The following MSRB3 variants were observed in gnomAD, a reference collection of about 807,000 sequenced individuals.
MSRB3 encodes methionine-R-sulfoxide reductase B3.
A neutral mutation model predicts 21.0 loss-of-function variants in MSRB3; 13 were observed. That is an observed-to-expected ratio of 0.62 (90% confidence interval 0.40 to 0.98). The LOEUF is 0.98. Among genes scored for constraint, MSRB3 ranks in the 50% least tolerant of loss-of-function variants. MSRB3 has a pLI of 0.00. For missense variants in MSRB3, 199 were observed against 230.3 expected (o/e 0.86, Z 0.88); for synonymous variants, 87 against 88.6 (o/e 0.98, Z 0.10).
At chr12:65,392,138 A>G (rs970182107) in intron 5 of MSRB3, among the ~76,000 whole-genome samples, 1 of 152,074 alleles carries the variant, frequency 6.6e-6, no homozygotes, top group African/African-American at 2.4e-5. Context: ...TTTTTTGAAA[A>G]CAGAGGTGCC....
At chr12:65,304,402 C>T (rs1365958174) in intron 1 of MSRB3, among the ~76,000 whole-genome samples, 1 of 152,120 alleles carries the variant, frequency 6.6e-6, no homozygotes, top group Non-Finnish European at 1.5e-5. Flanking sequence ...ATTGTGCAGT[C>T]AGTATTTTTA....
At chr12:65,345,578 T>C (rs574572603) in intron 4 of MSRB3, among the ~76,000 whole-genome samples, 1 of 152,192 alleles carries the variant, frequency 6.6e-6, no homozygotes, top group Admixed American at 6.5e-5. Flanking sequence ...ATAAGGAAGA[T>C]CTTTTTTTTA....
At chr12:65,410,749 T>C (rs1463158162) in intron 5 of MSRB3, among the ~76,000 whole-genome samples, 1 of 152,216 alleles carries the variant, frequency 6.6e-6, no homozygotes, top group Non-Finnish European at 1.5e-5. Flanking sequence ...AGTGCCAACT[T>C]CATGGGGTTG....
chr12:65,460,386 T>C (rs531445846), intron 6 of MSRB3, among the ~76,000 whole-genome samples: 3 of 151,622 alleles, frequency 2.0e-5, no homozygotes, highest in Admixed American at 1.3e-4. Context: ...AGAAACCGGG[T>C]AACAGTCCTT....
At chr12:65,373,850 T>A (rs1878454491) in intron 5 of MSRB3, among the ~76,000 whole-genome samples, 1 of 152,098 alleles carries the variant, frequency 6.6e-6, no homozygotes, top group Non-Finnish European at 1.5e-5. Context: ...AAAAAGCAGC[T>A]AGTGTCGCTT....
intron 4 of MSRB3, among the ~76,000 whole-genome samples, chr12:65,350,050 A>G (rs1326614933): frequency 6.6e-6 from 1 of 151,964 alleles, no homozygotes; most frequent in African/African-American, 2.4e-5. Context: ...TAGGTCTAAC[A>G]TTTAAGTCTT....
intron 5 of MSRB3, among the ~76,000 whole-genome samples, chr12:65,402,826 C>G (rs993854853): frequency 6.6e-6 from 1 of 152,164 alleles, no homozygotes; most frequent in Non-Finnish European, 1.5e-5. Context: ...TGATGCTATT[C>G]CTCCCTGTTA....
At chr12:65,323,479 T>A (rs769106238) in intron 2 of MSRB3, among the ~76,000 whole-genome samples, 5 of 151,760 alleles carry the variant, frequency 3.3e-5, no homozygotes, top group Admixed American at 6.5e-5. Flanking sequence ...GTTACATGTG[T>A]GTACACACAC....
chr12:65,344,631 C>T (rs1051886598), intron 4 of MSRB3, among the ~76,000 whole-genome samples: 1 of 151,960 alleles, frequency 6.6e-6, no homozygotes, highest in Non-Finnish European at 1.5e-5. Flanking sequence ...ACCAAGACAG[C>T]TTTGTAACAG....
intron 6 of MSRB3, among the ~76,000 whole-genome samples, chr12:65,460,512 C>T (rs1002842024): frequency 1.3e-5 from 2 of 152,156 alleles, no homozygotes; most frequent in Non-Finnish European, 2.9e-5. Context: ...GCCACAGATA[C>T]AGATGAACAC....
intron 6 of MSRB3, among the ~76,000 whole-genome samples, chr12:65,461,004 G>A (rs1299457375): frequency 2.0e-5 from 3 of 152,092 alleles, no homozygotes; most frequent in African/African-American, 7.2e-5. Context: ...TTCTAAAGAT[G>A]CTCAAGAGAT....
At chr12:65,302,990 C>T (rs770767177) in intron 1 of MSRB3, among the ~76,000 whole-genome samples, 47 of 150,520 alleles carry the variant, frequency 3.1e-4, no homozygotes, top group Non-Finnish European at 8.8e-5. Flanking sequence ...TCTTTCTTTT[C>T]GGATATTATG....
intron 4 of MSRB3, among the ~76,000 whole-genome samples, chr12:65,358,762 C>T (rs1246673567): frequency 6.6e-6 from 1 of 151,944 alleles, no homozygotes; most frequent in Non-Finnish European, 1.5e-5. Context: ...CTCCACATAA[C>T]AGGGTGAAGA....
intron 5 of MSRB3, among the ~76,000 whole-genome samples, chr12:65,427,911 G>T (rs748407160): frequency 6.6e-6 from 1 of 152,070 alleles, no homozygotes; most frequent in South Asian, 2.1e-4. Flanking sequence ...AAGCTCCAGT[G>T]TCTGAAATGC....
intron 2 of MSRB3, among the ~76,000 whole-genome samples, chr12:65,321,082 T>C (rs1338019061): frequency 6.6e-6 from 1 of 152,198 alleles, no homozygotes; most frequent in Non-Finnish European, 1.5e-5. Flanking sequence ...ATAATCCTTA[T>C]TCCTTTCACT....
At position 65,465,114 on chromosome 12, in the gene MSRB3, A is replaced by G. The variant is rs575163066; in HGVS notation, c.*1792A>G. The stretch of plus-strand genomic sequence containing the variant: ...GCTGACTTAGCTGATTGGTATGGAA[A>G]CAGTTGGGCCAAGAGCCAGAATTTC... On this transcript the variant is annotated 3_prime_UTR_variant, in exon 7 of 7. Coordinates refer to ENST00000308259, the MANE Select transcript of MSRB3 (RefSeq NM_001031679.3). 5.9e-5 allele frequency: 9 copies of G among 152,328 alleles called. No homozygotes were observed. The highest frequency in any genetic ancestry group is 4.6e-4 in the Admixed American group (7 of 15,306). The allele number at this position is 152,328 out of a possible 1,614,324, so 9.4% of individuals were successfully genotyped here.
At chr12:65,308,380 G>A (rs917523933) in intron 1 of MSRB3, 149 bp from the exon 2 acceptor site, 8 of 1,027,478 alleles carry the variant, frequency 7.8e-6, no homozygotes, top group Admixed American at 2.1e-5. Context: ...GTAAGCTCAC[G>A]GGCTGAAAAA....
At chr12:65,434,456 C>A (rs796577074) in intron 5 of MSRB3, among the ~76,000 whole-genome samples, 1 of 151,866 alleles carries the variant, frequency 6.6e-6, no homozygotes, top group South Asian at 2.1e-4. Flanking sequence ...GAACTATCAC[C>A]AAGTAAGTTT....
chr12:65,326,501 T>C (rs562042692), intron 2 of MSRB3, among the ~76,000 whole-genome samples: 1 of 152,066 alleles, frequency 6.6e-6, no homozygotes, highest in South Asian at 2.1e-4. Context: ...CTTTTGAATT[T>C]ATTTGAAAAA....
Sources: allele counts gnomAD v4.1 joint callset (sites outside exome capture counted in the v4.1 genomes callset), GRCh38; gene constraint gnomAD v4.1.1; transcripts MANE v1.5; gene names NCBI Gene and HGNC (gene_info 2026-07-23, HGNC 2026-07-21).